Variants in ANTXR1 observed in about 807,000 individuals in gnomAD.
The protein encoded by ANTXR1 is ANTXR cell adhesion molecule 1, also known as anthrax toxin receptor 1.
ANTXR1 carries 19 observed loss-of-function variants against 78.1 expected under a neutral mutation model. The ratio of observed to expected loss-of-function variants is 0.24; its 90% CI spans 0.17 to 0.36. The LOEUF is 0.36. ANTXR1 is among the 10% of genes least tolerant of loss of function. The probability of loss-of-function intolerance (pLI) is 1.00; values close to 1 mark genes in which losing one functional copy is unlikely to be tolerated. For missense variants in ANTXR1, 518 were observed against 718.6 expected, an observed-to-expected ratio of 0.72 and a Z score of 3.19; for synonymous variants, 273 against 260.5, an observed-to-expected ratio of 1.05 and a Z score of -0.46.
At chr2:69,079,776 A>T (rs984133692) in intron 8 of ANTXR1, among the ~76,000 whole-genome samples, 1 of 152,224 alleles carries the variant, frequency 6.6e-6, no homozygotes, top group Non-Finnish European at 1.5e-5. Flanking sequence ...CTGCCTTAAG[A>T]TGGCTAGATT....
chr2:69,027,625 T>A (rs1024791401), intron 1 of ANTXR1, among the ~76,000 whole-genome samples: 1 of 143,544 alleles, frequency 7.0e-6, no homozygotes, highest in Admixed American at 7.0e-5. Context: ...GATGCAAGTG[T>A]GTGTGTGTGT....
At chr2:69,034,830 A>G (rs1053668367) in intron 1 of ANTXR1, among the ~76,000 whole-genome samples, 1 of 152,202 alleles carries the variant, frequency 6.6e-6, no homozygotes, top group African/African-American at 2.4e-5. Flanking sequence ...GTTTAAGGTC[A>G]TTGACTTATA....
At chr2:69,098,831 C>T (rs897050174) in intron 9 of ANTXR1, among the ~76,000 whole-genome samples, 2 of 152,070 alleles carry the variant, frequency 1.3e-5, no homozygotes, top group African/African-American at 4.8e-5. Flanking sequence ...ACTAAAAATA[C>T]AAAAATTAGC....
chr2:69,157,222 T>A (rs1348814201), intron 13 of ANTXR1, among the ~76,000 whole-genome samples: 1 of 152,128 alleles, frequency 6.6e-6, no homozygotes, highest in Non-Finnish European at 1.5e-5. Flanking sequence ...CTGGCTCTTC[T>A]CCTACGTCTC....
rs558551048 is a variant in ANTXR1 at position 69,094,639 on chromosome 2, C to G, written c.703+3720C>G. On this transcript the variant is annotated intron_variant, in intron 9 of 17. Transcript: ENST00000303714. The stretch of plus-strand genomic sequence containing the variant: ...TCTGTCCTGCTCAAGACACTCTATG[C>G]TGATGATTGCATTCCTCTAAGACAG... Among the ~76,000 whole-genome samples, 6 of 152,290 alleles carry G rather than the reference C, an allele frequency of 3.9e-5. No homozygotes were observed. The East Asian group carries it at 1.2e-3, about 29-fold the overall frequency.
chr2:69,099,787 C>T (rs757910219), intron 9 of ANTXR1, among the ~76,000 whole-genome samples: 1 of 152,176 alleles, frequency 6.6e-6, no homozygotes, highest in Non-Finnish European at 1.5e-5. Flanking sequence ...CCCTATCCTT[C>T]CCCTTTATTC....
At position 69,110,779 on chromosome 2, in the gene ANTXR1, G is replaced by A. The variant is rs541548770; in HGVS notation, c.802+7839G>A. On this transcript the variant is annotated intron_variant, in intron 10 of 17. Transcript: ENST00000303714. The stretch of plus-strand genomic sequence containing the variant: ...CGGGAGGCTGAGGCAGGAGAATGGC[G>A]TGAACCTGAGAGGCAGAGCTTGCAG... Among the ~76,000 whole-genome samples, 6 of 152,162 alleles carry A rather than the reference G, an allele frequency of 3.9e-5. No individual in the cohort carries two copies. The South Asian group carries it at 6.2e-4, about 16-fold the overall frequency.
At chr2:69,078,698 G>A (rs535132639) in intron 8 of ANTXR1, among the ~76,000 whole-genome samples, 10 of 152,296 alleles carry the variant, frequency 6.6e-5, no homozygotes, top group African/African-American at 2.2e-4. Flanking sequence ...CTTGTTTGAG[G>A]ATTACAAGGA....
At chr2:69,134,726 A>G (rs963620417) in intron 12 of ANTXR1, among the ~76,000 whole-genome samples, 9 of 152,238 alleles carry the variant, frequency 5.9e-5, no homozygotes, top group Non-Finnish European at 8.8e-5. Context: ...ACTGGAGACA[A>G]CTTCTCTTAG....
intron 1 of ANTXR1, among the ~76,000 whole-genome samples, chr2:69,016,927 T>C (rs907077753): frequency 1.3e-5 from 2 of 152,216 alleles, no homozygotes; most frequent in Non-Finnish European, 2.9e-5. Flanking sequence ...AGTAAATGTC[T>C]GAGTGCATCA....
Position 69,124,747 on chromosome 2 carries a change from G to T in ANTXR1, c.951+104G>T, listed in dbSNP as rs532236495. 3.4e-4 allele frequency: 405 copies of T among 1,194,316 alleles called. 1 individual carries two copies. In the African/African-American group the frequency reaches 5.5e-3, roughly 16 times the overall value. 74.0% of individuals were successfully genotyped at this position (1,194,316 alleles called of 1,614,324 possible). ...CAAAGGTACCCTGGAAAGTTTTTTG[G>T]TTCTTCGTTCTGCTTGCTGAGCTTT... On this transcript the variant is annotated intron_variant, in intron 12 of 17. Coordinates refer to ENST00000303714, the MANE Select transcript of ANTXR1 (RefSeq NM_032208.3).
chr2:69,189,653 A>AGGG, intron 16 of ANTXR1, among the ~76,000 whole-genome samples: 1 of 152,200 alleles, frequency 6.6e-6, no homozygotes, highest in African/African-American at 2.4e-5. Context: ...TCAGGGGTGG[A>AGGG]TGGGAAGAGG....
rs1020200595 is a variant in ANTXR1, at chr2:69,165,964, C to T, written c.1048-4284C>T. ...AAAAATAAAATGAATTATTAGAGAG[C>T]GCTTTACAGAGACCCAAATGGTTGA... On this transcript the variant is annotated intron_variant, in intron 13 of 17. Coordinates refer to ENST00000303714, the MANE Select transcript of ANTXR1 (RefSeq NM_032208.3). Among the ~76,000 whole-genome samples, 123 of 152,270 alleles carry T rather than the reference C, an allele frequency of 8.1e-4. 1 individual carries two copies. The highest frequency in any genetic ancestry group is 2.8e-3 in the African/African-American group (116 of 41,562).
intron 17 of ANTXR1, among the ~76,000 whole-genome samples, chr2:69,227,449 C>T (rs1675484417): frequency 6.6e-6 from 1 of 152,066 alleles, no homozygotes; most frequent in Non-Finnish European, 1.5e-5. Context: ...TACCACAGCA[C>T]CCCAAATGCC....
chr2:69,136,216 A>G (rs746975967), intron 12 of ANTXR1, among the ~76,000 whole-genome samples: 7 of 152,224 alleles, frequency 4.6e-5, no homozygotes, highest in South Asian at 2.1e-4. Context: ...AATGAAACTG[A>G]TCAGTCACTT....
intron 9 of ANTXR1, among the ~76,000 whole-genome samples, chr2:69,091,401 G>A (rs1286096068): frequency 1.5e-5 from 2 of 130,268 alleles, no homozygotes; most frequent in South Asian, 2.4e-4. Flanking sequence ...AGCCGAGATC[G>A]CACCACTGCA....
chr2:69,178,283 ATGCTAAC>A (rs1674185323), intron 14 of ANTXR1, among the ~76,000 whole-genome samples: 1 of 152,220 alleles, frequency 6.6e-6, no homozygotes, highest in African/African-American at 2.4e-5. Flanking sequence ...AAACAGACCC[ATGCTAAC>A]TGCAGGGGAA....
At chr2:69,069,135 G>A (rs776671739) in intron 3 of ANTXR1, among the ~76,000 whole-genome samples, 1 of 152,178 alleles carries the variant, frequency 6.6e-6, no homozygotes, top group Non-Finnish European at 1.5e-5. Flanking sequence ...ATCTCCAGCA[G>A]TCTGGCAAGC....
At chr2:69,232,786 T>C (rs1019663671) in intron 17 of ANTXR1, among the ~76,000 whole-genome samples, 1 of 152,072 alleles carries the variant, frequency 6.6e-6, no homozygotes, top group African/African-American at 2.4e-5. Context: ...AAAAACAAAT[T>C]AATGAAAACA....
Sources: gnomAD v4.1 joint callset for allele counts (sites outside exome capture counted in the v4.1 genomes callset) on GRCh38, gnomAD v4.1.1 for gene constraint, MANE v1.5 for transcripts, NCBI Gene and HGNC (gene_info 2026-07-23, HGNC 2026-07-21) for gene names.